The following CCDC178 variants were observed in gnomAD, a reference collection of about 807,000 sequenced individuals.
CCDC178 encodes the protein coiled-coil domain-containing protein 178.
CCDC178 carries 126 observed loss-of-function variants against 117.4 expected under a neutral mutation model. The ratio of observed to expected loss-of-function variants is 1.07; its 90% CI spans 0.93 to 1.24. The LOEUF (loss-of-function observed/expected upper bound fraction) is 1.24. CCDC178 is among the 50% of genes most tolerant of loss of function. The pLI is 0.00. For synonymous variants in CCDC178, 283 were observed against 313.4 expected, an observed-to-expected ratio of 0.90 and a Z score of 1.02; for missense variants, 1,030 against 986.9, an observed-to-expected ratio of 1.04 and a Z score of -0.59.
intron 9 of CCDC178, 111 bp from the exon 10 acceptor site, chr18:33,333,505 ACTT>A: frequency 1.1e-5 from 4 of 356,910 alleles, no homozygotes; most frequent in Middle Eastern, 7.9e-4. Flanking sequence ...GAATCTTACT[ACTT>A]TTTTTTTTTT....
At chr18:33,116,530 G>C (rs1394186228) in intron 20 of CCDC178, among the ~76,000 whole-genome samples, 1 of 152,122 alleles carries the variant, frequency 6.6e-6, no homozygotes, top group Non-Finnish European at 1.5e-5. Flanking sequence ...TGACACACAA[G>C]GTGGCAGCTG....
At chr18:32,978,872 A>G (rs2055082857) in intron 21 of CCDC178, among the ~76,000 whole-genome samples, 1 of 152,052 alleles carries the variant, frequency 6.6e-6, no homozygotes, top group East Asian at 2.0e-4. Context: ...CCCTGTCTTT[A>G]CTAAAAATAC....
intron 21 of CCDC178, among the ~76,000 whole-genome samples, chr18:33,078,172 G>C (rs538222762): frequency 4.9e-4 from 74 of 152,050 alleles, no homozygotes; most frequent in Non-Finnish European, 7.4e-4. Flanking sequence ...CAGAACTAAA[G>C]ACAAACACCA....
Position 33,285,702 on chromosome 18 carries a change from GA to G in CCDC178, c.1176+7456del, listed in dbSNP as rs1246363189. ...AATACATCACCTCAATAGGTCAAAT[GA>G]GAAACTAAAATCATCTTCACAGCAT... On this transcript the variant is annotated intron_variant, in intron 12 of 22. Transcript: ENST00000383096. Among the ~76,000 whole-genome samples, 6 of 152,078 alleles carry G rather than the reference GA, an allele frequency of 3.9e-5. 1 individual carries two copies. The highest frequency in any genetic ancestry group is 3.9e-4 in the Admixed American group (6 of 15,268).
Position 33,043,380 on chromosome 18 carries a change from AG to A in CCDC178, c.2388+49380del, listed in dbSNP as rs1217216605. ...GTGACAGCCTAGCATAATGATGAAA[AG>A]CATGCGATCTGGAACCAGAGTGCTT... On this transcript the variant is annotated intron_variant, in intron 21 of 22. Coordinates refer to ENST00000383096, the MANE Select transcript of CCDC178 (RefSeq NM_001105528.4). Among the ~76,000 whole-genome samples, 14 of 152,198 alleles carry A rather than the reference AG, an allele frequency of 9.2e-5. No homozygotes were observed. In the East Asian group the frequency reaches 1.7e-3, roughly 19 times the overall value.
At chr18:33,297,706 G>A (rs1027321696) in intron 11 of CCDC178, among the ~76,000 whole-genome samples, 2 of 152,060 alleles carry the variant, frequency 1.3e-5, no homozygotes, top group African/African-American at 4.8e-5. Flanking sequence ...AAAAAATCCA[G>A]TACCAGATGG....
chr18:33,397,293 G>T, intron 3 of CCDC178, 85 bp from the exon 4 acceptor site: 1 of 785,876 alleles, frequency 1.3e-6, no homozygotes, highest in East Asian at 2.6e-5. Flanking sequence ...AAGGATACGG[G>T]AAGAAAATCA....
At chr18:33,187,785 C>G (rs781409733) in intron 20 of CCDC178, among the ~76,000 whole-genome samples, 1 of 152,088 alleles carries the variant, frequency 6.6e-6, no homozygotes, top group Non-Finnish European at 1.5e-5. Context: ...GGTGAGTTAT[C>G]TAAACCCAAG....
chr18:33,330,444 C>T (rs1419308794), intron 10 of CCDC178, among the ~76,000 whole-genome samples: 1 of 151,992 alleles, frequency 6.6e-6, no homozygotes, highest in East Asian at 1.9e-4. Flanking sequence ...TCATTTTGAC[C>T]CCTGGAATAG....
upstream of CCDC178, chr18:33,440,722 G>A (rs770101327): frequency 6.5e-6 from 1 of 152,986 alleles, no homozygotes; most frequent in African/African-American, 2.4e-5. Flanking sequence ...TGCTGCGGTC[G>A]AGGCCCCAAG....
intron 20 of CCDC178, among the ~76,000 whole-genome samples, chr18:33,124,378 C>T (rs1360718975): frequency 6.6e-6 from 1 of 152,092 alleles, no homozygotes; most frequent in Non-Finnish European, 1.5e-5. Flanking sequence ...ATTCCGGGGC[C>T]ATGGGAATCT....
At chr18:33,280,144 C>A (rs2144819621) in intron 12 of CCDC178, among the ~76,000 whole-genome samples, 1 of 151,608 alleles carries the variant, frequency 6.6e-6, no homozygotes, top group South Asian at 2.1e-4. Context: ...GCAAAAGAAA[C>A]TACCATCAGA....
At chr18:32,993,724 C>T (rs551307035) in intron 21 of CCDC178, among the ~76,000 whole-genome samples, 14 of 152,164 alleles carry the variant, frequency 9.2e-5, no homozygotes, top group Admixed American at 1.3e-4. Context: ...ATCATTAAGT[C>T]CTTGAGGGCA....
At chr18:32,959,012 T>G (rs1330234195) in intron 22 of CCDC178, among the ~76,000 whole-genome samples, 5 of 152,178 alleles carry the variant, frequency 3.3e-5, no homozygotes, top group African/African-American at 4.8e-5. Flanking sequence ...CCAAATGTGG[T>G]AACAAGTTCT....
In CCDC178 at chr18:32,998,642, T is replaced by A. The variant is rs1598770843; in HGVS notation, c.2389-23961A>T. Among the ~76,000 whole-genome samples, 2 of 152,180 alleles carry A rather than the reference T, an allele frequency of 1.3e-5. 1 individual carries two copies. Among genetic ancestry groups the A allele is most frequent in the South Asian group, 4.1e-4 (2 of 4,820 alleles). On this transcript the variant is annotated intron_variant, in intron 21 of 22. Coordinates refer to ENST00000383096, the MANE Select transcript of CCDC178 (RefSeq NM_001105528.4). ...GTCTTGCAACTTGGATACTAGCTAATCTACAGTAGGATACAGCATCCACCA... is the reference window on the plus strand; with the variant it reads ...GTCTTGCAACTTGGATACTAGCTAAACTACAGTAGGATACAGCATCCACCA...
At chr18:33,093,863 T>C (rs1336594344) in intron 20 of CCDC178, among the ~76,000 whole-genome samples, 2 of 152,022 alleles carry the variant, frequency 1.3e-5, no homozygotes, top group African/African-American at 2.4e-5. Flanking sequence ...TGTCAAAACA[T>C]ATAAATGCAG....
intron 12 of CCDC178, among the ~76,000 whole-genome samples, chr18:33,283,875 T>C (rs879948371): frequency 1.3e-5 from 2 of 152,074 alleles, no homozygotes; most frequent in Non-Finnish European, 2.9e-5. Flanking sequence ...AAGGCAGCAA[T>C]ACCATTCAAT....
intron 15 of CCDC178, among the ~76,000 whole-genome samples, chr18:33,234,329 T>C (rs1475407192): frequency 1.3e-5 from 2 of 152,228 alleles, no homozygotes; most frequent in Admixed American, 6.5e-5. Flanking sequence ...CCCAATATTA[T>C]GATTAATAGC....
At chr18:32,981,280 CTA>C (rs1037408466) in intron 21 of CCDC178, among the ~76,000 whole-genome samples, 4 of 151,872 alleles carry the variant, frequency 2.6e-5, no homozygotes, top group African/African-American at 9.7e-5. Flanking sequence ...AATTTTATCA[CTA>C]TGTAAAAATG....
Sources: gnomAD v4.1 joint callset for allele counts (sites outside exome capture counted in the v4.1 genomes callset) on GRCh38, gnomAD v4.1.1 for gene constraint, MANE v1.5 for transcripts, NCBI Gene and HGNC (gene_info 2026-07-23, HGNC 2026-07-21) for gene names.